CNBD1: variants seen among roughly 807,000 people sequenced by gnomAD.
CNBD1 encodes cyclic nucleotide binding domain containing 1, also known as cyclic nucleotide-binding domain-containing protein 1.
CNBD1 carries 71 observed loss-of-function variants against 54.4 expected under a neutral mutation model. The observed-to-expected ratio is 1.30, with a 90% CI of 1.08 to 1.59. The LOEUF is 1.59. CNBD1 is among the 40% of genes most tolerant of loss of function. The pLI, the probability that CNBD1 is intolerant of heterozygous loss-of-function variation, is 0.00. For missense variants in CNBD1, 659 were observed against 518.0 expected (o/e 1.27, Z -2.64); for synonymous variants, 182 against 170.7 (o/e 1.07, Z -0.51).
intron 4 of CNBD1, among the ~76,000 whole-genome samples, chr8:87,129,342 T>C (rs185315131): frequency 6.6e-5 from 10 of 152,264 alleles, no homozygotes; most frequent in Admixed American, 6.5e-4. Context: ...ACATTTCATC[T>C]ATATATCTAT....
At chr8:87,301,382 A>G (rs13263432) in intron 8 of CNBD1, among the ~76,000 whole-genome samples, 57,968 of 151,910 alleles carry the variant, frequency 0.38, 11,333 homozygotes, top group Middle Eastern at 0.46. Context: ...AACCAGGAAA[A>G]GACATAACCC....
At chr8:87,154,041 A>G (rs1812662486) in intron 4 of CNBD1, among the ~76,000 whole-genome samples, 1 of 152,170 alleles carries the variant, frequency 6.6e-6, no homozygotes, top group African/African-American at 2.4e-5. Flanking sequence ...GGCGGCAGGC[A>G]GCAGGCTTTG....
intron 2 of CNBD1, among the ~76,000 whole-genome samples, chr8:87,415,926 C>T (rs143322950): frequency 1.5e-3 from 224 of 151,624 alleles, no homozygotes; most frequent in African/African-American, 5.0e-3. Flanking sequence ...TTATAAGAAA[C>T]AAATGACATA....
intron 2 of CNBD1, among the ~76,000 whole-genome samples, chr8:86,890,206 T>G (rs10955091): frequency 0.47 from 71,340 of 151,816 alleles, 16,962 homozygotes; most frequent in South Asian, 0.55. Flanking sequence ...TACTCCTGTT[T>G]AATTGAATCT....
chr8:86,917,970 A>C (rs567009620), intron 3 of CNBD1, among the ~76,000 whole-genome samples: 48 of 152,352 alleles, frequency 3.2e-4, no homozygotes, highest in African/African-American at 1.1e-3. Flanking sequence ...GCTCATGAGA[A>C]AGTTTTAGTT....
At chr8:87,265,394 G>T (rs1465129401) in intron 6 of CNBD1, among the ~76,000 whole-genome samples, 1 of 152,068 alleles carries the variant, frequency 6.6e-6, no homozygotes, top group African/African-American at 2.4e-5. Context: ...TGCTGTTTTG[G>T]TTACTGTAGC....
intron 6 of CNBD1, among the ~76,000 whole-genome samples, chr8:87,284,260 T>G (rs1384993219): frequency 6.6e-6 from 1 of 152,136 alleles, no homozygotes; most frequent in Non-Finnish European, 1.5e-5. Flanking sequence ...TCCATAAATA[T>G]TAATGGTTTA....
In CNBD1 at chr8:86,978,421, C is replaced by T. The variant is rs572627462; in HGVS notation, c.431+38667C>T. Among the ~76,000 whole-genome samples the T allele has an allele frequency of 4.0e-5, 6 of 151,084 alleles. No homozygotes were observed. The South Asian group carries it at 1.3e-3, about 32-fold the overall frequency. On this transcript the variant is annotated intron_variant, in intron 4 of 10. Coordinates refer to ENST00000518476, the MANE Select transcript of CNBD1 (RefSeq NM_173538.3). ...AGACAGTCTGAAAAAATTTTTGTCT[C>T]TAATTTAAAGTTAAGATTGACCACA...
At chr8:87,057,277 C>T (rs980163680) in intron 4 of CNBD1, among the ~76,000 whole-genome samples, 3 of 152,236 alleles carry the variant, frequency 2.0e-5, no homozygotes, top group Non-Finnish European at 4.4e-5. Flanking sequence ...AGGAAGCAAA[C>T]ACGTTCTTCT....
Position 87,193,879 on chromosome 8 carries a change from G to A in CNBD1, c.432-12114G>A, listed in dbSNP as rs558336751. ...CAGTAATTTAGAATAAGAGTTTAAC[G>A]GATAAAATAAAATAAGCAATAGTTA... is the stretch of plus-strand genomic sequence containing the variant. On this transcript the variant is annotated intron_variant, in intron 4 of 10. Transcript: ENST00000518476. Among the ~76,000 whole-genome samples the A allele has an allele frequency of 4.1e-4, 63 of 152,186 alleles. 1 individual carries two copies. Among genetic ancestry groups the A allele is most frequent in the African/African-American group, 1.3e-3 (54 of 41,518 alleles).
chr8:87,084,966 G>A (rs1032109658), intron 4 of CNBD1, among the ~76,000 whole-genome samples: 6 of 152,084 alleles, frequency 3.9e-5, no homozygotes, highest in African/African-American at 7.2e-5. Context: ...GAGCCACTAC[G>A]CCCAGCCGTA....
At chr8:86,893,895 A>C (rs559754151) in intron 2 of CNBD1, among the ~76,000 whole-genome samples, 2 of 151,412 alleles carry the variant, frequency 1.3e-5, no homozygotes, top group East Asian at 3.9e-4. Flanking sequence ...TTAATCTACT[A>C]CTCCACTCTA....
At chr8:86,945,445 A>G (rs1190296900) in intron 4 of CNBD1, among the ~76,000 whole-genome samples, 2 of 152,156 alleles carry the variant, frequency 1.3e-5, no homozygotes, top group African/African-American at 2.4e-5. Context: ...GCTGTTTAAA[A>G]TCCAAATGCA....
chr8:87,362,078 G>A (rs1413472521), intron 10 of CNBD1, among the ~76,000 whole-genome samples: 2 of 151,932 alleles, frequency 1.3e-5, no homozygotes, highest in African/African-American at 4.8e-5. Flanking sequence ...CAATTACCAT[G>A]CTTACTTAAA....
chr8:87,018,452 A>C lies in CNBD1; in HGVS notation c.431+78698A>C, dbSNP rs116092052. ...CACTTAATACTGGATTTCAGCCTTA[A>C]CTTTTTTTAAGTACAAATTAAATCA... On this transcript the variant is annotated intron_variant, in intron 4 of 10. Transcript: ENST00000518476. Among the ~76,000 whole-genome samples, 472 of 152,320 alleles carry C rather than the reference A, an allele frequency of 3.1e-3. 3 individuals carry two copies. The highest frequency in any genetic ancestry group is 0.011 in the African/African-American group (455 of 41,568).
chr8:87,015,438 G>A (rs763920919), intron 4 of CNBD1, among the ~76,000 whole-genome samples: 7 of 152,064 alleles, frequency 4.6e-5, no homozygotes, highest in Non-Finnish European at 1.0e-4. Context: ...GCCTGCCTCA[G>A]CCTCCCAAAG....
intron 1 of CNBD1, among the ~76,000 whole-genome samples, chr8:86,867,921 G>A (rs1563804551): frequency 6.6e-6 from 1 of 152,146 alleles, no homozygotes; most frequent in Non-Finnish European, 1.5e-5. Flanking sequence ...GAACTGAATA[G>A]AGCATAATGG....
At chr8:87,302,076 C>A (rs1239400506) in intron 8 of CNBD1, among the ~76,000 whole-genome samples, 1 of 152,144 alleles carries the variant, frequency 6.6e-6, no homozygotes, top group Non-Finnish European at 1.5e-5. Flanking sequence ...GGAGCTGGTA[C>A]CATTCCTTCT....
At chr8:87,135,625 C>T (rs1812211638) in intron 4 of CNBD1, among the ~76,000 whole-genome samples, 1 of 146,534 alleles carries the variant, frequency 6.8e-6, no homozygotes, top group African/African-American at 2.5e-5. Context: ...AATATCTATG[C>T]AATATATATT....
Sources: allele counts gnomAD v4.1 joint callset (sites outside exome capture counted in the v4.1 genomes callset), GRCh38; gene constraint gnomAD v4.1.1; transcripts MANE v1.5; gene names NCBI Gene and HGNC (gene_info 2026-07-23, HGNC 2026-07-21).